Variants in ZBTB20 observed in about 807,000 individuals in gnomAD.
The protein encoded by ZBTB20 is zinc finger and BTB domain containing 20.
A neutral mutation model predicts 56.9 loss-of-function variants in ZBTB20; 9 were observed. That is an observed-to-expected ratio of 0.16 (90% CI 0.10 to 0.28). The LOEUF (loss-of-function observed/expected upper bound fraction) is 0.28, where lower values mean the gene tolerates loss of function less well. ZBTB20 is among the 10% of genes least tolerant of loss of function. The pLI is 1.00. For missense variants in ZBTB20, 655 were observed against 1,003.0 expected, an observed-to-expected ratio of 0.65 and a Z score of 4.69; for synonymous variants, 417 against 420.7, an observed-to-expected ratio of 0.99 and a Z score of 0.11.
chr3:114,654,440 CT>C (rs1163871428), intron 6 of ZBTB20, among the ~76,000 whole-genome samples: 4 of 151,462 alleles, frequency 2.6e-5, no homozygotes, highest in South Asian at 4.2e-4. Context: ...TTATTGTTTT[CT>C]TTTTTTATTT....
intron 6 of ZBTB20, among the ~76,000 whole-genome samples, chr3:114,675,876 A>G (rs1174670463): frequency 6.6e-6 from 1 of 152,168 alleles, no homozygotes; most frequent in Non-Finnish European, 1.5e-5. Flanking sequence ...AACAATAACA[A>G]TAATATTAAT....
In ZBTB20 at chr3:114,328,300, G is replaced by T. The variant is rs1218173030; in HGVS notation, c.*10705C>A. ...CCTACAATGTGTTCAAGTGGATGTG[G>T]CTTTTCTTGTTTGAGAAGAGCTCAC... On this transcript the variant is annotated 3_prime_UTR_variant, in exon 12 of 12. Coordinates refer to ENST00000675478, the MANE Select transcript of ZBTB20 (RefSeq NM_001348800.3). The T allele has an allele frequency of 6.6e-6, 1 of 151,920 alleles. No homozygotes were observed. The highest frequency in any genetic ancestry group is 2.4e-5 in the African/African-American group (1 of 41,356). The allele number at this position is 151,920 out of a possible 1,614,324, so 9.4% of individuals were successfully genotyped here. A position where few individuals can be genotyped will look rare whatever the true frequency, so the allele number is the denominator to read the frequency against.
At chr3:114,608,482 C>T (rs1051304103) in intron 6 of ZBTB20, among the ~76,000 whole-genome samples, 2 of 152,138 alleles carry the variant, frequency 1.3e-5, no homozygotes, top group African/African-American at 4.8e-5. Context: ...GTTTGGGAAA[C>T]ACTGTTCTGG....
intron 1 of ZBTB20, among the ~76,000 whole-genome samples, chr3:115,090,291 A>C (rs2083138856): frequency 6.6e-6 from 1 of 151,878 alleles, no homozygotes; most frequent in Non-Finnish European, 1.5e-5. Context: ...AATCCGAAGA[A>C]TATCTTATGT....
At chr3:114,651,505 A>G (rs2060125728) in intron 6 of ZBTB20, among the ~76,000 whole-genome samples, 2 of 151,076 alleles carry the variant, frequency 1.3e-5, no homozygotes, top group Admixed American at 6.6e-5. Context: ...ACAATTTAAA[A>G]GTATAGAGAA....
intron 1 of ZBTB20, among the ~76,000 whole-genome samples, chr3:115,099,507 C>A (rs1429750595): frequency 6.6e-6 from 1 of 152,258 alleles, no homozygotes; most frequent in South Asian, 2.1e-4. Context: ...AAAAATACAT[C>A]CCCCAGATGC....
intron 6 of ZBTB20, among the ~76,000 whole-genome samples, chr3:114,659,456 T>A (rs888841653): frequency 2.0e-5 from 3 of 152,348 alleles, no homozygotes; most frequent in African/African-American, 7.2e-5. Context: ...CATCAAAGGC[T>A]GTGTTCCCCT....
In ZBTB20 at chr3:114,346,207, G is replaced by A. The variant is rs566160279; in HGVS notation, c.1804+4067C>T. Among the ~76,000 whole-genome samples the A allele has an allele frequency of 5.3e-5, 8 of 152,286 alleles. No individual in the cohort carries two copies. The South Asian group carries it at 1.7e-3, about 32-fold the overall frequency. Reference sequence around the variant, plus strand: ...TCAAGAGCAATCTAAGGAGTATAAAGGAGTTTCAGAGTTTAAATTCCAAAG... The same window carrying A: ...TCAAGAGCAATCTAAGGAGTATAAAAGAGTTTCAGAGTTTAAATTCCAAAG... On this transcript the variant is annotated intron_variant, in intron 11 of 11. Coordinates refer to ENST00000675478, the MANE Select transcript of ZBTB20 (RefSeq NM_001348800.3).
chr3:114,994,967 C>T (rs1424543848), intron 2 of ZBTB20, among the ~76,000 whole-genome samples: 1 of 151,872 alleles, frequency 6.6e-6, no homozygotes, highest in Non-Finnish European at 1.5e-5. Context: ...ACAGGAGTGC[C>T]TTGGAACATA....
intron 6 of ZBTB20, among the ~76,000 whole-genome samples, chr3:114,617,253 T>G (rs995752768): frequency 1.1e-4 from 17 of 152,202 alleles, no homozygotes; most frequent in Non-Finnish European, 1.5e-5. Context: ...CAGCATCGTT[T>G]CTCTGTACTC....
At chr3:114,773,847 G>C (rs1295041785) in intron 5 of ZBTB20, among the ~76,000 whole-genome samples, 1 of 152,208 alleles carries the variant, frequency 6.6e-6, no homozygotes, top group East Asian at 1.9e-4. Context: ...TACCTTTAAA[G>C]GAAATTATCT....
intron 1 of ZBTB20, among the ~76,000 whole-genome samples, chr3:115,129,774 C>T (rs1359164957): frequency 6.6e-6 from 1 of 152,170 alleles, no homozygotes; most frequent in Non-Finnish European, 1.5e-5. Flanking sequence ...AAGACATCAT[C>T]AGAAGTACCT....
rs73857880 is a variant in ZBTB20, at chr3:114,984,263, A to T, written c.-506-9847T>A. Among the ~76,000 whole-genome samples, 608 of 152,070 alleles carry T rather than the reference A, an allele frequency of 4.0e-3. 2 individuals carry two copies. Among genetic ancestry groups the T allele is most frequent in the African/African-American group, 0.014 (575 of 41,524 alleles). ...TTAAAAATCAATTATACATATATAT[A>T]TTTTTATTATACTTTAAGTTTTAGG... is the stretch of plus-strand genomic sequence containing the variant. On this transcript the variant is annotated intron_variant, in intron 2 of 11. Coordinates refer to ENST00000675478, the MANE Select transcript of ZBTB20 (RefSeq NM_001348800.3).
At chr3:114,425,108 G>A (rs563279182) in intron 7 of ZBTB20, among the ~76,000 whole-genome samples, 30 of 152,164 alleles carry the variant, frequency 2.0e-4, no homozygotes, top group East Asian at 1.4e-3. Context: ...ACAAGGTGTC[G>A]CTCTGAAATT....
chr3:115,004,098 T>G (rs1323787249), intron 2 of ZBTB20, among the ~76,000 whole-genome samples: 1 of 151,700 alleles, frequency 6.6e-6, no homozygotes, highest in Non-Finnish European at 1.5e-5. Flanking sequence ...ACTTGAGATC[T>G]CTGCAGAATT....
intron 5 of ZBTB20, among the ~76,000 whole-genome samples, chr3:114,780,139 G>C (rs1307949167): frequency 6.6e-6 from 1 of 152,126 alleles, no homozygotes; most frequent in Non-Finnish European, 1.5e-5. Flanking sequence ...ATAGATTATT[G>C]CATAATTTTT....
chr3:114,386,687 A>G (rs1355313087), intron 8 of ZBTB20, among the ~76,000 whole-genome samples: 1 of 152,164 alleles, frequency 6.6e-6, no homozygotes, highest in East Asian at 1.9e-4. Flanking sequence ...CCCAAGGACA[A>G]GAGAGCCTGG....
chr3:114,339,109 C>G lies in ZBTB20; in HGVS notation c.2122G>C (p.Ala708Pro). 1 of 1,605,450 alleles carries G rather than the reference C, an allele frequency of 6.2e-7. No individual in the cohort carries two copies. Among genetic ancestry groups the G allele is most frequent in the East Asian group, 2.2e-5 (1 of 44,840 alleles). ...GARAGPPGVVACTEGTTYVCS... is the reference protein window; with the variant it reads ...GARAGPPGVVPCTEGTTYVCS... ...ACGTAAGTGGTCCCCTCCGTGCAGG[C>G]CACCACGCCTGGGGGGCCAGCGCGG... The change falls in exon 12 of 12, where the codon GCC becomes CCC. Residue 708 changes from alanine (A) to proline (P), a missense_variant. Physicochemically the swap from Ala to Pro is conservative, Grantham distance 27. Around this residue, in one of 10 missense-constraint regions of ZBTB20, gnomAD observed 89 missense variants for 79.7 expected, o/e 1.12. Coordinates refer to ENST00000675478, the MANE Select transcript of ZBTB20 (RefSeq NM_001348800.3). This position sits in a 1 kb window ranked among gnomAD's most constrained non-coding sequence, Gnocchi z 4.2.
At chr3:114,760,219 A>T (rs2068336490) in intron 5 of ZBTB20, among the ~76,000 whole-genome samples, 1 of 152,208 alleles carries the variant, frequency 6.6e-6, no homozygotes, top group South Asian at 2.1e-4. Context: ...TATTGGATAC[A>T]TATTTATTGA....
Sources: allele counts gnomAD v4.1 joint callset (sites outside exome capture counted in the v4.1 genomes callset), GRCh38; gene constraint gnomAD v4.1.1; regional missense constraint gnomAD v4.1.1; non-coding constraint Gnocchi (gnomAD v3.1); transcripts MANE v1.5; gene names NCBI Gene and HGNC (gene_info 2026-07-23, HGNC 2026-07-21).